PRKN: variants seen among roughly 807,000 people sequenced by gnomAD.
PRKN encodes the protein E3 ubiquitin-protein ligase parkin.
Under a neutral mutation model 59.5 loss-of-function variants are expected in PRKN, and 56 were observed. The ratio of observed to expected loss-of-function variants is 0.94; its 90% CI spans 0.76 to 1.18. The LOEUF (loss-of-function observed/expected upper bound fraction) is 1.18. Among genes scored for constraint, PRKN ranks in the 50% most tolerant of loss-of-function variants. The probability of loss-of-function intolerance (pLI) is 0.00; values close to 1 mark genes in which losing one functional copy is unlikely to be tolerated. For synonymous variants in PRKN, 250 were observed against 222.1 expected (o/e 1.13, Z -1.12); for missense variants, 657 against 596.4 (o/e 1.10, Z -1.06).
rs373864339 is a variant in PRKN, at chr6:162,647,365, T to C, written c.7+80297A>G. The stretch of plus-strand genomic sequence containing the variant: ...GTTTTTGGAGAAAAAACATATTAGG[T>C]CAGATGTCATGGAGGGCTATTTTAG... On this transcript the variant is annotated intron_variant, in intron 1 of 11. Transcript: ENST00000366898. 6.6e-4 allele frequency among the ~76,000 whole-genome samples: 100 copies of C among 152,222 alleles called. No individual in the cohort carries two copies. In the East Asian group the frequency reaches 9.9e-3, roughly 15 times the overall value.
chr6:162,657,869 G>A lies in PRKN; in HGVS notation c.7+69793C>T, dbSNP rs1343027004. Among the ~76,000 whole-genome samples the A allele has an allele frequency of 2.0e-5, 3 of 152,136 alleles. No homozygotes were observed. In the East Asian group the frequency reaches 5.8e-4, roughly 29 times the overall value. ...ATTACTGGCAAACACTGTCACTGGA[G>A]GCTTGTTGGAGGCTTGTTTCTGCAA... On this transcript the variant is annotated intron_variant, in intron 1 of 11. Coordinates refer to ENST00000366898, the MANE Select transcript of PRKN (RefSeq NM_004562.3).
At chr6:161,826,918 G>A (rs1040800439) in intron 6 of PRKN, among the ~76,000 whole-genome samples, 7 of 152,114 alleles carry the variant, frequency 4.6e-5, no homozygotes, top group African/African-American at 1.7e-4. Flanking sequence ...GTGTAATTTT[G>A]ATTTGCATTG....
chr6:162,468,479 T>A lies in PRKN; in HGVS notation c.8-25006A>T, dbSNP rs142050597. Among the ~76,000 whole-genome samples the A allele has an allele frequency of 2.1e-4, 32 of 152,306 alleles. No individual in the cohort carries two copies. The East Asian group carries it at 6.2e-3, about 29-fold the overall frequency. ...GCTTGCAAGCACAGAACAGAGGATA[T>A]CATTTCTAAACTGTTCGGTAATCCC... is the stretch of plus-strand genomic sequence containing the variant. On this transcript the variant is annotated intron_variant, in intron 1 of 11. Transcript: ENST00000366898.
At chr6:162,385,953 T>G (rs1786780147) in intron 2 of PRKN, among the ~76,000 whole-genome samples, 1 of 152,234 alleles carries the variant, frequency 6.6e-6, no homozygotes, top group South Asian at 2.1e-4. Context: ...GGTCCTCTTG[T>G]CCTATTGAGA....
chr6:161,915,712 G>GT (rs145274380), intron 6 of PRKN, among the ~76,000 whole-genome samples: 5,145 of 152,286 alleles, frequency 0.034, 272 homozygotes, highest in African/African-American at 0.12. Context: ...ATGCAAACGT[G>GT]TATGATAGGT....
Position 161,444,658 on chromosome 6 carries a change from G to A in PRKN, c.1084-57781C>T, listed in dbSNP as rs184651630. On this transcript the variant is annotated intron_variant, in intron 9 of 11. Coordinates refer to ENST00000366898, the MANE Select transcript of PRKN (RefSeq NM_004562.3). The surrounding 1 kb of genome is among the most constrained non-coding windows in gnomAD (Gnocchi z 5.6). ...AATTCACTGTGCTCAGCCTGTCTGCGGGTAGCGAGGGCTCCTGAGTAACAG... is the reference window on the plus strand; with the variant it reads ...AATTCACTGTGCTCAGCCTGTCTGCAGGTAGCGAGGGCTCCTGAGTAACAG... Among the ~76,000 whole-genome samples, 165 of 152,332 alleles carry A rather than the reference G, an allele frequency of 1.1e-3. 1 individual carries two copies. Among genetic ancestry groups the A allele is most frequent in the African/African-American group, 3.9e-3 (160 of 41,558 alleles).
At chr6:161,831,820 G>C (rs1792509825) in intron 6 of PRKN, among the ~76,000 whole-genome samples, 1 of 152,156 alleles carries the variant, frequency 6.6e-6, no homozygotes, top group Non-Finnish European at 1.5e-5. Flanking sequence ...AGAAGGAAGA[G>C]GGTCTGCCAC....
intron 7 of PRKN, among the ~76,000 whole-genome samples, chr6:161,618,478 T>G (rs1227665523): frequency 1.3e-5 from 2 of 152,212 alleles, no homozygotes; most frequent in Admixed American, 6.5e-5. Flanking sequence ...TCCTTTTCTC[T>G]CTCACTTTTC....
At chr6:162,190,027 A>G (rs1784204916) in intron 4 of PRKN, among the ~76,000 whole-genome samples, 1 of 152,178 alleles carries the variant, frequency 6.6e-6, no homozygotes, top group Non-Finnish European at 1.5e-5. Context: ...TTCTGACACT[A>G]GACAGAAATA....
chr6:162,030,024 G>C (rs952811762), intron 5 of PRKN, among the ~76,000 whole-genome samples: 8 of 152,034 alleles, frequency 5.3e-5, no homozygotes, highest in Non-Finnish European at 5.9e-5. Context: ...AAAAATCGTA[G>C]AGATGGGCTC....
At chr6:162,127,295 C>T (rs1262054282) in intron 4 of PRKN, among the ~76,000 whole-genome samples, 4 of 152,202 alleles carry the variant, frequency 2.6e-5, no homozygotes, top group African/African-American at 9.6e-5. Context: ...AAGCCTGTTA[C>T]TCAAAAGGTG....
At chr6:161,615,220 G>A (rs1446423763) in intron 7 of PRKN, among the ~76,000 whole-genome samples, 2 of 152,078 alleles carry the variant, frequency 1.3e-5, no homozygotes, top group South Asian at 2.1e-4. Flanking sequence ...TGCCTTTTGT[G>A]TTATTTTGGG....
intron 6 of PRKN, among the ~76,000 whole-genome samples, chr6:161,869,559 A>G (rs1008841233): frequency 6.6e-6 from 1 of 152,172 alleles, no homozygotes; most frequent in Non-Finnish European, 1.5e-5. Flanking sequence ...AGCATACTTA[A>G]AACGAATGCA....
chr6:161,500,394 T>C (rs1049514047), intron 9 of PRKN, among the ~76,000 whole-genome samples: 6 of 152,230 alleles, frequency 3.9e-5, no homozygotes, highest in African/African-American at 1.4e-4. Context: ...ATAACATTTA[T>C]CCACCTCTGC....
chr6:161,356,718 G>A lies in PRKN; in HGVS notation c.1285+3370C>T, dbSNP rs1179450737. ...GAGGAACTGGGCGGTGCTGTTGACT[G>A]AGGTGGGGTGCACCCTAGAGGAAAA... On this transcript the variant is annotated intron_variant, in intron 11 of 11. Coordinates refer to ENST00000366898, the MANE Select transcript of PRKN (RefSeq NM_004562.3). The surrounding 1 kb of genome is among the most constrained non-coding windows in gnomAD (Gnocchi z 7.8). 6.6e-6 allele frequency among the ~76,000 whole-genome samples: 1 copy of A among 152,154 alleles called. No homozygotes were observed. Among genetic ancestry groups the A allele is most frequent in the Admixed American group, 6.5e-5 (1 of 15,274 alleles).
At chr6:161,685,407 C>T (rs6455759) in intron 7 of PRKN, among the ~76,000 whole-genome samples, 41,043 of 152,070 alleles carry the variant, frequency 0.27, 6,245 homozygotes, top group Admixed American at 0.49. Context: ...ATTTTCAACC[C>T]CAGCTTGAAA....
chr6:162,206,942 T>C (rs997680089), intron 3 of PRKN, among the ~76,000 whole-genome samples: 1 of 152,202 alleles, frequency 6.6e-6, no homozygotes, highest in East Asian at 1.9e-4. Flanking sequence ...CTTTTCTTCA[T>C]GTTGAGTGAA....
At chr6:162,262,236 T>G (rs1779918233) in intron 3 of PRKN, among the ~76,000 whole-genome samples, 1 of 152,178 alleles carries the variant, frequency 6.6e-6, no homozygotes, top group Non-Finnish European at 1.5e-5. Flanking sequence ...AATGGCTCGA[T>G]TAGCTTTAGA....
At chr6:162,558,327 C>CTTTTTTTTTTTTTT (rs71278562) in intron 1 of PRKN, among the ~76,000 whole-genome samples, 1 of 132,724 alleles carries the variant, frequency 7.5e-6, no homozygotes, top group African/African-American at 2.7e-5. Flanking sequence ...TTAATTTTCC[C>CTTTTTTTTTTTTTT]TTTTTTTTTT....
Sources: gnomAD v4.1 joint callset for allele counts (sites outside exome capture counted in the v4.1 genomes callset) on GRCh38, gnomAD v4.1.1 for gene constraint, Gnocchi (gnomAD v3.1) non-coding constraint, MANE v1.5 for transcripts, NCBI Gene and HGNC (gene_info 2026-07-23, HGNC 2026-07-21) for gene names.